The following PRDM16 variants were observed in gnomAD, a reference collection of about 807,000 sequenced individuals.
PRDM16 encodes the protein PR/SET domain 16, also known as histone-lysine N-methyltransferase PRDM16.
Under a neutral mutation model 110.6 loss-of-function variants are expected in PRDM16, and 23 were observed. The observed-to-expected ratio is 0.21, with a 90% CI of 0.15 to 0.29. The LOEUF (loss-of-function observed/expected upper bound fraction) is 0.29. Among genes scored for constraint, PRDM16 ranks in the 10% least tolerant of loss-of-function variants. The pLI is 1.00. For synonymous variants in PRDM16, 799 were observed against 781.8 expected (o/e 1.02, Z -0.37); for missense variants, 1,615 against 1,794.3 (o/e 0.90, Z 1.81).
intron 2 of PRDM16, among the ~76,000 whole-genome samples, chr1:3,238,647 G>T (rs1052056073): frequency 6.6e-6 from 1 of 152,228 alleles, no homozygotes; most frequent in African/African-American, 2.4e-5. Flanking sequence ...CGGTTCTTGC[G>T]GGAGCTGCCA....
intron 1 of PRDM16, among the ~76,000 whole-genome samples, chr1:3,115,638 G>A (rs1642940279): frequency 6.6e-6 from 1 of 152,214 alleles, no homozygotes; most frequent in Admixed American, 6.5e-5. Context: ...GCCACGGAGG[G>A]TCTTGGCATC....
At chr1:3,129,275 TGTGTCCTGCCTGGTGTGTGC>T (rs1643281763) in intron 1 of PRDM16, among the ~76,000 whole-genome samples, 1 of 150,540 alleles carries the variant, frequency 6.6e-6, no homozygotes, top group Non-Finnish European at 1.5e-5. Flanking sequence ...CATGTGTGTG[TGTGTCCTGCCTGGTGTGTGC>T]GTGTCAGTGT....
intron 4 of PRDM16, among the ~76,000 whole-genome samples, chr1:3,387,703 C>T (rs777418646): frequency 1.2e-4 from 19 of 152,190 alleles, no homozygotes; most frequent in African/African-American, 3.6e-4. Context: ...CGCCCAGGCA[C>T]GGGGAGTGAG....
intron 1 of PRDM16, among the ~76,000 whole-genome samples, chr1:3,105,643 C>T (rs1369018638): frequency 6.6e-6 from 1 of 152,228 alleles, no homozygotes; most frequent in Non-Finnish European, 1.5e-5. Flanking sequence ...TAGGCCAGCG[C>T]AGATTCCTAT....
intron 3 of PRDM16, among the ~76,000 whole-genome samples, chr1:3,324,282 C>T (rs1266551687): frequency 1.3e-5 from 2 of 152,278 alleles, no homozygotes; most frequent in Admixed American, 1.3e-4. Flanking sequence ...CAGGGTCGCC[C>T]CCAGCCTGCC....
At chr1:3,214,416 G>A (rs969376917) in intron 2 of PRDM16, among the ~76,000 whole-genome samples, 7 of 152,196 alleles carry the variant, frequency 4.6e-5, no homozygotes, top group Admixed American at 4.6e-4. Flanking sequence ...CAAGCCCTTG[G>A]TCAGGTGCGG....
chr1:3,401,680 C>T (rs577738280), intron 5 of PRDM16, among the ~76,000 whole-genome samples: 11 of 152,344 alleles, frequency 7.2e-5, no homozygotes, highest in Non-Finnish European at 1.3e-4. Flanking sequence ...GCACACACAA[C>T]ATAGCCACCC....
intron 1 of PRDM16, among the ~76,000 whole-genome samples, chr1:3,098,902 C>T (rs60030462): frequency 0.019 from 2,897 of 152,320 alleles, 85 homozygotes; most frequent in African/African-American, 0.066. Context: ...GCTGCCTCCA[C>T]CTCCCCACCA....
rs568522752 is a variant in PRDM16, at chr1:3,151,178, A to C, written c.38-34947A>C. Among the ~76,000 whole-genome samples, 3 of 152,252 alleles carry C rather than the reference A, an allele frequency of 2.0e-5. No individual in the cohort carries two copies. The South Asian group carries it at 6.2e-4, about 32-fold the overall frequency. ...GTCTCTGGGTACAACAAATTGAGTC[A>C]GTGTCTGTCCCCTCGCTGGGCATGG... On this transcript the variant is annotated intron_variant, in intron 1 of 16. Coordinates refer to ENST00000270722, the MANE Select transcript of PRDM16 (RefSeq NM_022114.4).
chr1:3,232,752 A>G (rs893209087), intron 2 of PRDM16, among the ~76,000 whole-genome samples: 2 of 152,138 alleles, frequency 1.3e-5, no homozygotes, highest in Non-Finnish European at 2.9e-5. Flanking sequence ...TCGGATATGG[A>G]TCCACTTTCG....
chr1:3,175,499 G>C lies in PRDM16; in HGVS notation c.38-10626G>C, dbSNP rs1644074446. Among the ~76,000 whole-genome samples the C allele has an allele frequency of 6.6e-6, 1 of 152,136 alleles. No individual in the cohort carries two copies. Among genetic ancestry groups the C allele is most frequent in the Non-Finnish European group, 1.5e-5 (1 of 68,024 alleles). On this transcript the variant is annotated intron_variant, in intron 1 of 16. Transcript: ENST00000270722. The surrounding 1 kb of genome is among the most constrained non-coding windows in gnomAD (Gnocchi z 4.8). ...AGGATGGCCCTTCACTGCTCATGGG[G>C]ACTCATAGGCACCCAGTTGGGGGAA...
intron 3 of PRDM16, among the ~76,000 whole-genome samples, chr1:3,315,775 T>G (rs1344025010): frequency 1.3e-5 from 2 of 152,200 alleles, no homozygotes; most frequent in African/African-American, 4.8e-5. Context: ...TCATTTCTAA[T>G]CATGTTTTTA....
intron 2 of PRDM16, among the ~76,000 whole-genome samples, chr1:3,193,342 C>T (rs1220952586): frequency 1.3e-5 from 2 of 152,244 alleles, no homozygotes; most frequent in East Asian, 1.9e-4. Context: ...CAGGTCTAGC[C>T]ATTCCTAGGA....
chr1:3,404,249 C>T (rs1047333037), intron 6 of PRDM16, among the ~76,000 whole-genome samples: 1 of 152,228 alleles, frequency 6.6e-6, no homozygotes, highest in Non-Finnish European at 1.5e-5. Flanking sequence ...CAGCTGTGCT[C>T]GGGTCCCCTC....
At chr1:3,377,930 C>T (rs976867801) in intron 3 of PRDM16, among the ~76,000 whole-genome samples, 6 of 152,244 alleles carry the variant, frequency 3.9e-5, no homozygotes, top group African/African-American at 1.4e-4. Context: ...GAGAACATCC[C>T]AGGCCTCAGG....
intron 8 of PRDM16, among the ~76,000 whole-genome samples, chr1:3,409,844 G>GTGTGTATGTGCGTGTGTGTGGTA (rs1643646586): frequency 7.0e-6 from 1 of 143,810 alleles, no homozygotes; most frequent in Non-Finnish European, 1.5e-5. Flanking sequence ...GGTGTGTGGT[G>GTGTGTATGTGCGTGTGTGTGGTA]TGGGTGTGTG....
At chr1:3,429,355 T>A (rs1056132580) in intron 14 of PRDM16, among the ~76,000 whole-genome samples, 2 of 152,180 alleles carry the variant, frequency 1.3e-5, no homozygotes, top group Non-Finnish European at 2.9e-5. Context: ...AAAAAGCAAA[T>A]ACTCTGTGCA....
intron 1 of PRDM16, among the ~76,000 whole-genome samples, chr1:3,098,887 A>G (rs1570246489): frequency 6.6e-6 from 1 of 152,126 alleles, no homozygotes; most frequent in Non-Finnish European, 1.5e-5. Context: ...TGTCCCAGCC[A>G]TGGTGCTGCC....
At chr1:3,121,054 T>C (rs939581022) in intron 1 of PRDM16, among the ~76,000 whole-genome samples, 1 of 152,212 alleles carries the variant, frequency 6.6e-6, no homozygotes, top group Admixed American at 6.5e-5. Context: ...TCTCCCCCTT[T>C]CTTTCTGTCG....
Sources: gnomAD v4.1 joint callset for allele counts (sites outside exome capture counted in the v4.1 genomes callset) on GRCh38, gnomAD v4.1.1 for gene constraint, Gnocchi (gnomAD v3.1) non-coding constraint, MANE v1.5 for transcripts, NCBI Gene and HGNC (gene_info 2026-07-23, HGNC 2026-07-21) for gene names.